RBPMS: variants seen among roughly 807,000 people sequenced by gnomAD.
RBPMS encodes RNA binding protein, mRNA processing factor.
Under a neutral mutation model 26.8 loss-of-function variants are expected in RBPMS, and 7 were observed. The ratio of observed to expected loss-of-function variants is 0.26; its 90% CI spans 0.15 to 0.49. The LOEUF is 0.49. RBPMS is among the 20% of genes least tolerant of loss of function. RBPMS has a pLI of 0.98. For missense variants in RBPMS, 186 were observed against 250.0 expected, an observed-to-expected ratio of 0.74 and a Z score of 1.73; for synonymous variants, 96 against 93.3, an observed-to-expected ratio of 1.03 and a Z score of -0.17.
intron 5 of RBPMS, among the ~76,000 whole-genome samples, chr8:30,517,816 T>G (rs139552301): frequency 2.0e-5 from 3 of 152,306 alleles, no homozygotes; most frequent in Admixed American, 6.5e-5. Flanking sequence ...TCTTCCGCTT[T>G]TAGCTGAACA....
chr8:30,444,570 T>A (rs185097166), intron 1 of RBPMS: 1 of 152,236 alleles, frequency 6.6e-6, no homozygotes, highest in Admixed American at 6.5e-5. Flanking sequence ...TAGATTGTTA[T>A]TATTTAAAAG....
At chr8:30,417,783 T>C (rs943368003) in intron 1 of RBPMS, among the ~76,000 whole-genome samples, 1 of 152,260 alleles carries the variant, frequency 6.6e-6, no homozygotes, top group Non-Finnish European at 1.5e-5. Context: ...CATTCTTTTT[T>C]TAGTAGCCAC....
intron 2 of RBPMS, among the ~76,000 whole-genome samples, chr8:30,475,324 ATACT>A (rs1817573658): frequency 1.3e-5 from 2 of 152,224 alleles, no homozygotes; most frequent in African/African-American, 4.8e-5. Flanking sequence ...CACTTGATAG[ATACT>A]TAATGTTGCT....
At chr8:30,556,874 C>T (rs1006279373) in intron 6 of RBPMS, 16 of 587,296 alleles carry the variant, frequency 2.7e-5, no homozygotes, top group Admixed American at 1.3e-4. Context: ...CCCTGCCCGC[C>T]CCTACCTCAC....
chr8:30,544,963 GT>G, intron 6 of RBPMS: 1 of 1,458,254 alleles, frequency 6.9e-7, no homozygotes, highest in African/African-American at 1.4e-5. Context: ...TGTGTGCCTT[GT>G]GTGGAAGGGC....
intron 6 of RBPMS, 82 bp downstream of exon 6, chr8:30,544,706 A>G: frequency 1.9e-6 from 3 of 1,604,570 alleles, no homozygotes; most frequent in East Asian, 2.2e-5. Flanking sequence ...ACACCATACA[A>G]CTAACACCTA....
chr8:30,566,891 G>A (rs1827925709), intron 8 of RBPMS, among the ~76,000 whole-genome samples: 1 of 152,160 alleles, frequency 6.6e-6, no homozygotes, highest in Admixed American at 6.5e-5. Flanking sequence ...TCCAGACTGT[G>A]GGCCTCTTAG....
chr8:30,571,533 G>T lies in RBPMS; in HGVS notation c.*1008G>T, dbSNP rs1413645989. The T allele has an allele frequency of 6.6e-6, 1 of 152,262 alleles. No individual in the cohort carries two copies. Among genetic ancestry groups the T allele is most frequent in the East Asian group, 1.9e-4 (1 of 5,198 alleles). The allele number at this position is 152,262 out of a possible 1,614,324, so 9.4% of individuals were successfully genotyped here. Reference sequence around the variant, plus strand: ...TGTGCCCAGCCCACCTGGCTGCAGTGGGCAGCTCATGTCTGTATCTCCAAA... The same window carrying T: ...TGTGCCCAGCCCACCTGGCTGCAGTTGGCAGCTCATGTCTGTATCTCCAAA... On this transcript the variant is annotated 3_prime_UTR_variant, in exon 9 of 9. Transcript: ENST00000397323.
At chr8:30,454,286 T>C (rs542627883) in intron 1 of RBPMS, among the ~76,000 whole-genome samples, 2 of 152,364 alleles carry the variant, frequency 1.3e-5, no homozygotes, top group African/African-American at 2.4e-5. Flanking sequence ...TATTAACTTA[T>C]TAACTTATTC....
chr8:30,569,485 C>CAGA (rs1828121019), intron 8 of RBPMS, among the ~76,000 whole-genome samples: 1 of 152,082 alleles, frequency 6.6e-6, no homozygotes, highest in African/African-American at 2.4e-5. Flanking sequence ...GGACTAGTAA[C>CAGA]AGAAGAGAGG....
rs533353930 is a variant in RBPMS, at chr8:30,440,163, TGTG to T, written c.67-34614_67-34612del. Among the ~76,000 whole-genome samples, 46 of 152,274 alleles carry T rather than the reference TGTG, an allele frequency of 3.0e-4. No homozygotes were observed. The East Asian group carries it at 8.1e-3, about 27-fold the overall frequency. On this transcript the variant is annotated intron_variant, in intron 1 of 8. Transcript: ENST00000397323. ...CTATTACTAAGGCGGGTGTCAAACT[TGTG>T]GCCTCAAGCAATCCTCCTTCCCAAT...
intron 1 of RBPMS, chr8:30,385,408 C>T: frequency 2.8e-6 from 1 of 355,042 alleles, no homozygotes. Context: ...TAATGCTCAG[C>T]TTTGTTTGCC....
intron 1 of RBPMS, among the ~76,000 whole-genome samples, chr8:30,432,937 G>A (rs1427652770): frequency 6.6e-6 from 1 of 152,190 alleles, no homozygotes; most frequent in Non-Finnish European, 1.5e-5. Context: ...CACAGGGTCT[G>A]GAAGCAACTT....
At chr8:30,549,487 T>C in intron 6 of RBPMS, 3 of 1,608,188 alleles carry the variant, frequency 1.9e-6, no homozygotes, top group Non-Finnish European at 2.6e-6. Context: ...TACCTTTTCC[T>C]CTCAACCTGC....
chr8:30,553,072 C>G (rs1244271991), intron 6 of RBPMS: 1 of 152,250 alleles, frequency 6.6e-6, no homozygotes, highest in Non-Finnish European at 1.5e-5. Flanking sequence ...CCAAGTCATA[C>G]AAATCTTGAC....
intron 5 of RBPMS, among the ~76,000 whole-genome samples, chr8:30,508,220 G>T (rs1821252587): frequency 6.6e-6 from 1 of 152,092 alleles, no homozygotes; most frequent in African/African-American, 2.4e-5. Context: ...GCAAGCCAAG[G>T]AGAGAGACCT....
intron 7 of RBPMS, 64 bp downstream of exon 7, chr8:30,559,020 C>A: frequency 7.5e-7 from 1 of 1,330,076 alleles, no homozygotes; most frequent in South Asian, 1.2e-5. Flanking sequence ...ATGGTGGGTG[C>A]GCCATGAACG....
intron 6 of RBPMS, chr8:30,547,465 T>G (rs1825966135): frequency 6.3e-7 from 1 of 1,574,950 alleles, no homozygotes; most frequent in Non-Finnish European, 8.6e-7. Context: ...CAAAAACTAT[T>G]TCTTGACGAC....
chr8:30,430,561 T>C (rs1217622140), intron 1 of RBPMS, among the ~76,000 whole-genome samples: 1 of 152,248 alleles, frequency 6.6e-6, no homozygotes, highest in African/African-American at 2.4e-5. Flanking sequence ...AATGCAGTAA[T>C]CCAGCATTGT....
Sources: gnomAD v4.1 joint callset for allele counts (sites outside exome capture counted in the v4.1 genomes callset) on GRCh38, gnomAD v4.1.1 for gene constraint, MANE v1.5 for transcripts, NCBI Gene and HGNC (gene_info 2026-07-23, HGNC 2026-07-21) for gene names.